The following DGAT1 variants were observed in gnomAD, a reference collection of about 807,000 sequenced individuals.
DGAT1 encodes the protein ACAT related gene product 1.
In DGAT1, 60 loss-of-function variants were observed where a neutral mutation model predicts 72.6. The ratio of observed to expected loss-of-function variants is 0.83; its 90% confidence interval spans 0.67 to 1.02. The LOEUF (loss-of-function observed/expected upper bound fraction) is 1.02. Ranked by LOEUF, DGAT1 falls within the 50% of genes least tolerant of loss-of-function variation. The pLI is 0.00. For missense variants in DGAT1, 592 were observed against 670.0 expected, an observed-to-expected ratio of 0.88 and a Z score of 1.29; for synonymous variants, 290 against 267.5, an observed-to-expected ratio of 1.08 and a Z score of -0.82.
At chr8:144,319,562 A>C (rs1446216446) in intron 2 of DGAT1, among the ~76,000 whole-genome samples, 1 of 151,968 alleles carries the variant, frequency 6.6e-6, no homozygotes, top group Non-Finnish European at 1.5e-5. Flanking sequence ...GGAGTTGTCT[A>C]CTCTTTCTCT....
At chr8:144,316,827 G>A (rs782020459) in intron 16 of DGAT1, 26 bp downstream of exon 16, 1 of 1,604,674 alleles carries the variant, frequency 6.2e-7, no homozygotes, top group South Asian at 1.1e-5. Flanking sequence ...CTGGGCGAGT[G>A]AGGAGGCCAC....
chr8:144,318,620 T>C lies in DGAT1; in HGVS notation c.469-54A>G, dbSNP rs941333736. On this transcript the variant is annotated intron_variant, in intron 5 of 16. Coordinates refer to ENST00000528718, the MANE Select transcript of DGAT1 (RefSeq NM_012079.6). ...GGGCTCCCATTGCCTGGGAGAGGGC[T>C]GCCAGGCCTGGGGAGCAGCTCCTCC... 1.4e-5 allele frequency: 23 copies of C among 1,604,916 alleles called. No individual in the cohort carries two copies. In the African/African-American group the frequency reaches 2.8e-4, roughly 20 times the overall value.
In DGAT1 at chr8:144,315,877, C is replaced by G. The variant is rs566571440; in HGVS notation, c.*677G>C. 2.0e-6 allele frequency: 2 copies of G among 985,586 alleles called. No individual in the cohort carries two copies. The highest frequency in any genetic ancestry group is 1.2e-4 in the Admixed American group (2 of 16,276). 61.1% of individuals were successfully genotyped at this position (985,586 alleles called of 1,614,324 possible). ...ATAGCCATTGTGTACCGTAGCCCCTCGGCTCACCAGACCCACACCAGAAAG... is the reference window on the plus strand; with the variant it reads ...ATAGCCATTGTGTACCGTAGCCCCTGGGCTCACCAGACCCACACCAGAAAG... On this transcript the variant is annotated 3_prime_UTR_variant, in exon 17 of 17. Coordinates refer to ENST00000528718, the MANE Select transcript of DGAT1 (RefSeq NM_012079.6).
In DGAT1 at chr8:144,317,125, C is replaced by T. The variant is rs2130512489; in HGVS notation, c.1161-16G>A. Reference sequence around the variant, plus strand: ...GTAGAAGTGTCTGCAGAGGAGGGGGCATGGAAAGCGGTTCAGGTTCACAGC... The same window carrying T: ...GTAGAAGTGTCTGCAGAGGAGGGGGTATGGAAAGCGGTTCAGGTTCACAGC... On this transcript the variant is annotated splice_polypyrimidine_tract_variant and intron_variant, in intron 14 of 16. Transcript: ENST00000528718. 1 of 1,612,672 alleles carries T rather than the reference C, an allele frequency of 6.2e-7. No individual in the cohort carries two copies. The highest frequency in any genetic ancestry group is 8.5e-7 in the Non-Finnish European group (1 of 1,179,558).
In DGAT1 at chr8:144,326,739, GCCCCC is replaced by G; in HGVS notation, c.-108_-104del. The stretch of plus-strand genomic sequence containing the variant: ...CGGGCCCTAGACAACGGCCGCCACT[GCCCCC>G]TGCCGGCCGCCGTAGCCCGGGTGAC... On this transcript the variant is annotated 5_prime_UTR_variant, in exon 1 of 17. Coordinates refer to ENST00000528718, the MANE Select transcript of DGAT1 (RefSeq NM_012079.6). The G allele has an allele frequency of 1.0e-6, 1 of 970,168 alleles. No homozygotes were observed. Among genetic ancestry groups the G allele is most frequent in the Non-Finnish European group, 1.3e-6 (1 of 790,416 alleles). The allele number at this position is 970,168 out of a possible 1,614,324, so 60.1% of individuals were successfully genotyped here.
chr8:144,324,272 G>T (rs1173083893), intron 1 of DGAT1, among the ~76,000 whole-genome samples: 1 of 152,056 alleles, frequency 6.6e-6, no homozygotes, highest in Non-Finnish European at 1.5e-5. Flanking sequence ...TAATGAGGAA[G>T]CGGGAGAGGA....
chr8:144,315,125 G>C lies in DGAT1; in HGVS notation c.*1429C>G. 1.0e-6 allele frequency: 1 copy of C among 985,566 alleles called. No individual in the cohort carries two copies. The highest frequency in any genetic ancestry group is 1.2e-6 in the Non-Finnish European group (1 of 829,994). The allele number at this position is 985,566 out of a possible 1,614,324, so 61.1% of individuals were successfully genotyped here. ...CTGGTGGAGGAAGGGAAGGGGGCCT[G>C]CGCTGGGCAGTGGAGCAGGCTTTGC... On this transcript the variant is annotated 3_prime_UTR_variant, in exon 17 of 17. Coordinates refer to ENST00000528718, the MANE Select transcript of DGAT1 (RefSeq NM_012079.6).
chr8:144,323,546 G>A (rs1450455045), intron 1 of DGAT1, among the ~76,000 whole-genome samples: 1 of 152,186 alleles, frequency 6.6e-6, no homozygotes, highest in Admixed American at 6.5e-5. Flanking sequence ...GCATGGGGAG[G>A]TGGGATCTGC....
chr8:144,316,545 AGGTGCAGCTCAGGCCTCT>A lies in DGAT1; in HGVS notation c.1458_*8del. 1 of 1,580,456 alleles carries A rather than the reference AGGTGCAGCTCAGGCCTCT, an allele frequency of 6.3e-7. No individual in the cohort carries two copies. The highest frequency in any genetic ancestry group is 8.6e-7 in the Non-Finnish European group (1 of 1,162,176). On this transcript the variant is annotated stop_lost and 3_prime_UTR_variant, in exon 17 of 17. Transcript: ENST00000528718. ...GGTGGCAGTGAGAAGCCAGGCCCTC[AGGTGCAGCTCAGGCCTCT>A]GCCGCTGGGGCCTCATAGTTGAGCA...
chr8:144,320,963 C>T (rs572975703), intron 2 of DGAT1, among the ~76,000 whole-genome samples: 3 of 152,284 alleles, frequency 2.0e-5, no homozygotes, highest in East Asian at 3.9e-4. Flanking sequence ...CCCTGCCCTC[C>T]CTGGAGGCCC....
chr8:144,322,131 G>A (rs1455343756), intron 1 of DGAT1, among the ~76,000 whole-genome samples: 2 of 152,180 alleles, frequency 1.3e-5, no homozygotes, highest in South Asian at 2.1e-4. Flanking sequence ...CCCAACCAGC[G>A]CTGGAGGGGC....
chr8:144,318,609 T>C (rs782527250), intron 5 of DGAT1, 43 bp from the exon 6 acceptor site: 3 of 1,606,314 alleles, frequency 1.9e-6, no homozygotes, highest in African/African-American at 2.7e-5. Context: ...TCCCATTGCC[T>C]GGGAGAGGGC....
intron 1 of DGAT1, 46 bp downstream of exon 1, chr8:144,326,391 C>A: frequency 1.5e-6 from 2 of 1,368,872 alleles, no homozygotes; most frequent in Admixed American, 3.2e-5. Flanking sequence ...CCCGGAAAGT[C>A]GCGGGGCCCT....
In DGAT1 at chr8:144,316,612, A is replaced by G; in HGVS notation, c.1409T>C (p.Leu470Pro). ...SLIIGQPIAV[L>P]MYVHDYYVLN... ...CACGTAGTAGTCGTGGACGTACATG[A>G]GGACGGCTATTGGCTGTCCGATGAT... is the stretch of plus-strand genomic sequence containing the variant. The change falls in exon 17 of 17, where the codon CTC (leucine) becomes CCC (proline). Residue 470 changes from leucine to proline, a missense_variant. Physicochemically the swap from Leu to Pro is moderately conservative, Grantham distance 98. Coordinates refer to ENST00000528718, the MANE Select transcript of DGAT1 (RefSeq NM_012079.6). 1 of 1,608,196 alleles carries G rather than the reference A, an allele frequency of 6.2e-7. No homozygotes were observed.
chr8:144,325,105 G>A (rs568121098), intron 1 of DGAT1, among the ~76,000 whole-genome samples: 3 of 151,882 alleles, frequency 2.0e-5, no homozygotes, highest in Non-Finnish European at 2.9e-5. Flanking sequence ...CAATTCCCAC[G>A]TCCTCCACAG....
At chr8:144,321,281 C>T (rs1554848090) in intron 2 of DGAT1, 40 bp downstream of exon 2, 3 of 1,592,086 alleles carry the variant, frequency 1.9e-6, no homozygotes, top group South Asian at 2.2e-5. Flanking sequence ...CAGAGCCCCA[C>T]CTGGACCTAG....
At chr8:144,318,413 GC>G (rs782645084) in intron 6 of DGAT1, 47 bp downstream of exon 6, 2 of 1,608,452 alleles carry the variant, frequency 1.2e-6, no homozygotes, top group Admixed American at 3.4e-5. Flanking sequence ...CGGAGGCCAT[GC>G]CCGTGGCTGG....
Position 144,318,256 on chromosome 8 carries a change from C to T in DGAT1, c.676+5G>A. On this transcript the variant is annotated splice_donor_5th_base_variant and intron_variant, in intron 7 of 16. Coordinates refer to ENST00000528718, the MANE Select transcript of DGAT1 (RefSeq NM_012079.6). ...AGGCAGCCCCAGCCCCTGGCAGCCC[C>T]TCACCAGCCTTGGCCCTGGCCCTGC... 1.9e-6 allele frequency: 3 copies of T among 1,612,550 alleles called. No individual in the cohort carries two copies. The highest frequency in any genetic ancestry group is 2.5e-6 in the Non-Finnish European group (3 of 1,179,790).
intron 1 of DGAT1, among the ~76,000 whole-genome samples, chr8:144,321,630 G>A (rs1386623859): frequency 3.9e-5 from 6 of 152,360 alleles, no homozygotes; most frequent in South Asian, 2.1e-4. Context: ...GCAGCGGGAC[G>A]AGCATGTCAG....
Sources: allele counts gnomAD v4.1 joint callset (sites outside exome capture counted in the v4.1 genomes callset), GRCh38; gene constraint gnomAD v4.1.1; transcripts MANE v1.5; gene names NCBI Gene and HGNC (gene_info 2026-07-23, HGNC 2026-07-21).